Variants in EIF4E observed in about 807,000 individuals in gnomAD.
The protein encoded by EIF4E is eukaryotic translation initiation factor 4E, also known as eIF-4F 25 kDa subunit.
For synonymous variants in EIF4E, 71 were observed against 88.5 expected, an observed-to-expected ratio of 0.80 and a Z score of 1.11; for missense variants, 113 against 265.6, an observed-to-expected ratio of 0.43 and a Z score of 3.99.
At chr4:98,907,976 T>G (rs1724949605) in intron 1 of EIF4E, among the ~76,000 whole-genome samples, 3 of 152,228 alleles carry the variant, frequency 2.0e-5, no homozygotes, top group Non-Finnish European at 4.4e-5. Flanking sequence ...CTTCAAACTC[T>G]GGAGAAGTTC....
intron 1 of EIF4E, among the ~76,000 whole-genome samples, chr4:98,905,195 T>C (rs2110202894): frequency 6.8e-6 from 1 of 146,418 alleles, no homozygotes; most frequent in Middle Eastern, 3.7e-3. Context: ...GGAAATTACA[T>C]CCTAAATGAC....
At chr4:98,899,234 AG>A (rs903621710) in intron 2 of EIF4E, among the ~76,000 whole-genome samples, 2 of 152,178 alleles carry the variant, frequency 1.3e-5, no homozygotes, top group Non-Finnish European at 1.5e-5. Context: ...GCTTGAAAGT[AG>A]GGGAAAAAAA....
intron 2 of EIF4E, among the ~76,000 whole-genome samples, chr4:98,893,664 T>G (rs1468792069): frequency 6.6e-6 from 1 of 152,250 alleles, no homozygotes; most frequent in Non-Finnish European, 1.5e-5. Flanking sequence ...GTTGGTCTCT[T>G]GCTCTCTGCA....
intron 5 of EIF4E, among the ~76,000 whole-genome samples, chr4:98,886,049 AG>A (rs1723903685): frequency 6.6e-6 from 1 of 152,122 alleles, no homozygotes. Context: ...GCTACTTGAG[AG>A]GCTAAGGCAG....
intron 1 of EIF4E, among the ~76,000 whole-genome samples, chr4:98,904,665 G>C (rs1286237595): frequency 6.6e-6 from 1 of 152,168 alleles, no homozygotes; most frequent in Non-Finnish European, 1.5e-5. Flanking sequence ...CAGCTACTGG[G>C]GAGGCTAAGG....
intron 2 of EIF4E, among the ~76,000 whole-genome samples, chr4:98,897,984 C>T (rs1390948522): frequency 6.6e-6 from 1 of 152,026 alleles, no homozygotes; most frequent in Non-Finnish European, 1.5e-5. Context: ...ATTCCAGATG[C>T]AAGACACTGA....
intron 1 of EIF4E, among the ~76,000 whole-genome samples, chr4:98,902,475 A>T (rs2110199801): frequency 6.6e-6 from 1 of 152,354 alleles, no homozygotes; most frequent in East Asian, 1.9e-4. Flanking sequence ...CTCTTCATTA[A>T]GAGCAAAGAG....
At chr4:98,898,948 TA>T (rs200904160) in intron 2 of EIF4E, among the ~76,000 whole-genome samples, 16 of 146,262 alleles carry the variant, frequency 1.1e-4, no homozygotes, top group South Asian at 4.4e-4. Flanking sequence ...TTAAAAAGTT[TA>T]AAAAAAAAAG....
chr4:98,902,228 T>G (rs1040702326), intron 1 of EIF4E, among the ~76,000 whole-genome samples: 1 of 152,138 alleles, frequency 6.6e-6, no homozygotes, highest in East Asian at 1.9e-4. Context: ...TGTGCCACCA[T>G]GCCTGGCTAA....
chr4:98,882,862 T>C (rs56325214), intron 6 of EIF4E, among the ~76,000 whole-genome samples: 12,716 of 151,932 alleles, frequency 0.084, 730 homozygotes, highest in Non-Finnish European at 0.12. Context: ...CCTCCAAAAT[T>C]AGGTTTTGAT....
intron 6 of EIF4E, among the ~76,000 whole-genome samples, chr4:98,882,413 A>G (rs1278954227): frequency 6.6e-6 from 1 of 150,988 alleles, no homozygotes; most frequent in African/African-American, 2.4e-5. Flanking sequence ...AAAAAAAAAA[A>G]AGAAAAAAGA....
chr4:98,929,001 T>C (rs1292465474), intron 1 of EIF4E, 94 bp downstream of exon 1: 1 of 1,567,712 alleles, frequency 6.4e-7, no homozygotes, highest in Non-Finnish European at 8.6e-7. Flanking sequence ...AGGGGTACAG[T>C]GCGCGCCGGG....
chr4:98,884,906 A>C lies in EIF4E; in HGVS notation c.539+16T>G. The C allele has an allele frequency of 6.2e-7, 1 of 1,611,838 alleles. No individual in the cohort carries two copies. The highest frequency in any genetic ancestry group is 1.3e-5 in the African/African-American group (1 of 74,992). On this transcript the variant is annotated intron_variant, in intron 6 of 6. Transcript: ENST00000450253. ...TCTTAATACTGTAAAATAAGTAGGC[A>C]AAGAGCAAAACTTACCCTATATGTG...
At chr4:98,892,581 C>G (rs1431239227) in intron 2 of EIF4E, among the ~76,000 whole-genome samples, 6 of 140,484 alleles carry the variant, frequency 4.3e-5, no homozygotes. Context: ...ACTCGGGAAG[C>G]TGAAGCACGA....
intron 1 of EIF4E, among the ~76,000 whole-genome samples, chr4:98,924,873 G>C (rs1339768515): frequency 6.6e-6 from 1 of 152,150 alleles, no homozygotes; most frequent in African/African-American, 2.4e-5. Flanking sequence ...GAGATTACAG[G>C]CGTGAGCCAC....
At chr4:98,881,194 A>G (rs181201776) in intron 6 of EIF4E, 52 bp from the exon 7 acceptor site, 1 of 1,583,008 alleles carries the variant, frequency 6.3e-7, no homozygotes, top group Non-Finnish European at 8.6e-7. Flanking sequence ...ACTTTTACTC[A>G]CAAGAAATAC....
chr4:98,913,217 A>T (rs1004764682), intron 1 of EIF4E, among the ~76,000 whole-genome samples: 1 of 152,148 alleles, frequency 6.6e-6, no homozygotes, highest in Non-Finnish European at 1.5e-5. Context: ...CAAAAAAAAA[A>T]AAAATTCTAT....
chr4:98,928,875 C>G (rs1181272229), intron 1 of EIF4E: 2 of 1,547,368 alleles, frequency 1.3e-6, no homozygotes, highest in South Asian at 1.2e-5. Flanking sequence ...ACACCGCTCC[C>G]CCAGTTCTCG....
At chr4:98,928,998 C>T in intron 1 of EIF4E, 97 bp downstream of exon 1, 1 of 1,568,602 alleles carries the variant, frequency 6.4e-7, no homozygotes, top group East Asian at 2.4e-5. Flanking sequence ...GCAAGGGGTA[C>T]AGTGCGCGCC....
Sources: allele counts gnomAD v4.1 joint callset (sites outside exome capture counted in the v4.1 genomes callset), GRCh38; gene constraint gnomAD v4.1.1; transcripts MANE v1.5; gene names NCBI Gene and HGNC (gene_info 2026-07-23, HGNC 2026-07-21).